EIPR1: variants seen among roughly 807,000 people sequenced by gnomAD.
The protein encoded by EIPR1 is EARP complex and GARP complex interacting protein 1.
EIPR1 carries 25 observed loss-of-function variants against 48.1 expected under a neutral mutation model. That is an observed-to-expected ratio of 0.52 (90% CI 0.38 to 0.73). The LOEUF is 0.73. Among genes scored for constraint, EIPR1 ranks in the 30% least tolerant of loss-of-function variants. The pLI, the probability that EIPR1 is intolerant of heterozygous loss-of-function variation, is 0.00. For synonymous variants in EIPR1, 204 were observed against 201.9 expected, an observed-to-expected ratio of 1.01 and a Z score of -0.09; for missense variants, 415 against 506.2, an observed-to-expected ratio of 0.82 and a Z score of 1.73.
At chr2:3,251,657 AG>A (rs1323003062) in intron 4 of EIPR1, among the ~76,000 whole-genome samples, 1 of 152,218 alleles carries the variant, frequency 6.6e-6, no homozygotes, top group Non-Finnish European at 1.5e-5. Flanking sequence ...AGAGGTAGAG[AG>A]GGGAAAGCAG....
intron 1 of EIPR1, among the ~76,000 whole-genome samples, chr2:3,364,220 A>G (rs1283943232): frequency 1.3e-5 from 2 of 152,240 alleles, no homozygotes; most frequent in Non-Finnish European, 2.9e-5. Context: ...CCGTGGGTAT[A>G]CTGCAGCATT....
At chr2:3,299,624 T>TCACACACACACACACA (rs3064647) in intron 3 of EIPR1, among the ~76,000 whole-genome samples, 6 of 136,718 alleles carry the variant, frequency 4.4e-5, no homozygotes, top group South Asian at 5.0e-4. Flanking sequence ...TCTCTCTCTC[T>TCACACACACACACACA]CACACACACA....
In EIPR1 at chr2:3,227,149, G is replaced by A. The variant is rs539690935; in HGVS notation, c.417-12901C>T. Among the ~76,000 whole-genome samples the A allele has an allele frequency of 9.1e-4, 23 of 25,304 alleles. 1 individual carries two copies. The highest frequency in any genetic ancestry group is 1.4e-3 in the African/African-American group (22 of 15,504). The allele number at this position is 25,304 out of a possible 152,430, so 16.6% of individuals were successfully genotyped here. A position where few individuals can be genotyped will look rare whatever the true frequency, so the allele number is the denominator to read the frequency against. On this transcript the variant is annotated intron_variant, in intron 4 of 8. Transcript: ENST00000382125. Reference sequence around the variant, plus strand: ...TAACAGGCAGAGGTTGGAACAGTTTGGAGAGCTCAGAAGACAGGAAAATGT... The same window carrying A: ...TAACAGGCAGAGGTTGGAACAGTTTAGAGAGCTCAGAAGACAGGAAAATGT...
At chr2:3,197,381 A>G (rs1449670635) in intron 5 of EIPR1, among the ~76,000 whole-genome samples, 3 of 152,246 alleles carry the variant, frequency 2.0e-5, no homozygotes, top group African/African-American at 7.2e-5. Flanking sequence ...GGTCCACCTG[A>G]GCGGTTCCGG....
intron 4 of EIPR1, among the ~76,000 whole-genome samples, chr2:3,238,141 T>A (rs1488151444): frequency 6.6e-6 from 1 of 152,188 alleles, no homozygotes; most frequent in Non-Finnish European, 1.5e-5. Context: ...TGGAGGTATA[T>A]TTTAAGAAGA....
At chr2:3,254,047 G>A (rs1018149187) in intron 4 of EIPR1, among the ~76,000 whole-genome samples, 1 of 152,172 alleles carries the variant, frequency 6.6e-6, no homozygotes, top group African/African-American at 2.4e-5. Context: ...AACATCTCCT[G>A]GAGCTGTTCT....
At chr2:3,246,871 G>A (rs1206315189) in intron 4 of EIPR1, among the ~76,000 whole-genome samples, 1 of 58,560 alleles carries the variant, frequency 1.7e-5, no homozygotes, top group Non-Finnish European at 3.5e-5. Context: ...GAGGGAAGGA[G>A]GGAGGGAGGG....
rs1269256901 is a variant in EIPR1, at chr2:3,310,257, A to C, written c.259+27760T>G. Among the ~76,000 whole-genome samples, 4 of 152,216 alleles carry C rather than the reference A, an allele frequency of 2.6e-5. No individual in the cohort carries two copies. The South Asian group carries it at 8.3e-4, about 32-fold the overall frequency. On this transcript the variant is annotated intron_variant, in intron 3 of 8. Transcript: ENST00000382125. ...GTTCTGAAGACGACAAATGGTTTCCAAACAACAGGAAATAGATACTAAGGG... is the reference window on the plus strand; with the variant it reads ...GTTCTGAAGACGACAAATGGTTTCCCAACAACAGGAAATAGATACTAAGGG...
intron 3 of EIPR1, among the ~76,000 whole-genome samples, chr2:3,310,892 C>A (rs1219256303): frequency 1.3e-5 from 2 of 151,280 alleles, no homozygotes; most frequent in Non-Finnish European, 2.9e-5. Context: ...TTCAAATAAA[C>A]AAATTAGCCC....
chr2:3,226,901 A>G (rs761446097), intron 4 of EIPR1, among the ~76,000 whole-genome samples: 20 of 152,210 alleles, frequency 1.3e-4, no homozygotes, highest in Non-Finnish European at 2.2e-4. Context: ...GCTGCCATGT[A>G]AGACATGCCT....
At chr2:3,280,826 A>G (rs62121493) in intron 3 of EIPR1, among the ~76,000 whole-genome samples, 2,693 of 152,216 alleles carry the variant, frequency 0.018, 35 homozygotes, top group Non-Finnish European at 0.026. Context: ...CAGCCTCAGG[A>G]CATGAGAAGC....
At chr2:3,376,682 C>T (rs1417802126) in intron 1 of EIPR1, among the ~76,000 whole-genome samples, 2 of 114,908 alleles carry the variant, frequency 1.7e-5, no homozygotes, top group East Asian at 4.6e-4. Context: ...CGGAGCAAGA[C>T]TCCATCTCAA....
chr2:3,274,849 A>T (rs1667800880), intron 3 of EIPR1, among the ~76,000 whole-genome samples: 1 of 152,172 alleles, frequency 6.6e-6, no homozygotes, highest in Non-Finnish European at 1.5e-5. Flanking sequence ...GAAATACTGA[A>T]TATTTAATTT....
rs149955891 is a variant in EIPR1, at chr2:3,215,804, C to A, written c.417-1556G>T. ...GAGCTATTATTACTTGTAATCACAA[C>A]ATTAACATCATTCAAAACCACAATC... On this transcript the variant is annotated intron_variant, in intron 4 of 8. Coordinates refer to ENST00000382125, the MANE Select transcript of EIPR1 (RefSeq NM_003310.5). 6.6e-4 allele frequency among the ~76,000 whole-genome samples: 100 copies of A among 152,332 alleles called. 1 individual carries two copies. The highest frequency in any genetic ancestry group is 2.2e-3 in the African/African-American group (90 of 41,584).
chr2:3,220,510 TAG>T (rs1406852505), intron 4 of EIPR1, among the ~76,000 whole-genome samples: 7 of 151,896 alleles, frequency 4.6e-5, no homozygotes, highest in African/African-American at 1.7e-4. Flanking sequence ...AGAGCATTTA[TAG>T]AGTCAGGTGC....
intron 4 of EIPR1, among the ~76,000 whole-genome samples, chr2:3,237,041 C>T (rs1018353902): frequency 3.9e-5 from 6 of 152,062 alleles, no homozygotes; most frequent in Non-Finnish European, 5.9e-5. Context: ...CTGCAGCAGC[C>T]GCCACAGCTC....
chr2:3,219,482 AAT>A (rs1391146780), intron 4 of EIPR1, among the ~76,000 whole-genome samples: 21 of 148,986 alleles, frequency 1.4e-4, no homozygotes, highest in Non-Finnish European at 7.4e-5. Context: ...GTGCACACCC[AAT>A]ACAGCCCTGA....
chr2:3,335,216 C>T (rs1670007801), intron 3 of EIPR1, among the ~76,000 whole-genome samples: 3 of 152,152 alleles, frequency 2.0e-5, no homozygotes, highest in African/African-American at 4.8e-5. Flanking sequence ...AAGAGGCATG[C>T]GCTGTTGGAA....
intron 2 of EIPR1, among the ~76,000 whole-genome samples, chr2:3,351,287 G>A (rs10187862): frequency 0.8 from 120,897 of 152,054 alleles, 48,418 homozygotes; most frequent in African/African-American, 0.9. Flanking sequence ...ATGCGTGAGC[G>A]ACCACACCTG....
Sources: gnomAD v4.1 joint callset for allele counts (sites outside exome capture counted in the v4.1 genomes callset) on GRCh38, gnomAD v4.1.1 for gene constraint, MANE v1.5 for transcripts, NCBI Gene and HGNC (gene_info 2026-07-23, HGNC 2026-07-21) for gene names.